The following PCDH7 variants were observed in gnomAD, a reference collection of about 807,000 sequenced individuals.
The protein encoded by PCDH7 is protocadherin-7.
Under a neutral mutation model 58.9 loss-of-function variants are expected in PCDH7, and 17 were observed. The observed-to-expected ratio is 0.29, with a 90% confidence interval of 0.20 to 0.43. The LOEUF (loss-of-function observed/expected upper bound fraction) is 0.43, where lower values mean the gene tolerates loss of function less well. Ranked by LOEUF, PCDH7 falls within the 20% of genes least tolerant of loss-of-function variation. PCDH7 has a pLI of 1.00. For missense variants in PCDH7, 1,274 were observed against 1,441.0 expected (o/e 0.88, Z 1.88); for synonymous variants, 664 against 616.4 (o/e 1.08, Z -1.14).
downstream of PCDH7, among the ~76,000 whole-genome samples, chr4:30,737,630 A>G (rs1716487279): frequency 6.6e-6 from 1 of 152,212 alleles, no homozygotes; most frequent in African/African-American, 2.4e-5. Context: ...CAAAGTTACA[A>G]TAATTTCAGA....
chr4:30,939,920 A>T (rs1339205973), intron 2 of PCDH7, among the ~76,000 whole-genome samples: 1 of 152,014 alleles, frequency 6.6e-6, no homozygotes, highest in Non-Finnish European at 1.5e-5. Flanking sequence ...CCTGCTTTTG[A>T]TGTATTTCTT....
intron 3 of PCDH7, among the ~76,000 whole-genome samples, chr4:30,989,890 T>C (rs1013010109): frequency 6.6e-6 from 1 of 152,090 alleles, no homozygotes; most frequent in East Asian, 1.9e-4. Flanking sequence ...TGTCAAAAGT[T>C]TTGCCTCAAA....
intron 3 of PCDH7, among the ~76,000 whole-genome samples, chr4:31,098,524 G>A (rs905700300): frequency 6.6e-6 from 1 of 152,174 alleles, no homozygotes; most frequent in African/African-American, 2.4e-5. Context: ...AAATGGTGGG[G>A]AGAACAATGT....
downstream of PCDH7, chr4:31,145,829 T>C (rs1720636751): frequency 6.6e-6 from 1 of 152,072 alleles, no homozygotes; most frequent in African/African-American, 2.4e-5. Flanking sequence ...CAAGGTAAAA[T>C]ACTGATTTAG....
At chr4:31,010,134 C>T (rs1276788592) in intron 3 of PCDH7, among the ~76,000 whole-genome samples, 2 of 151,832 alleles carry the variant, frequency 1.3e-5, no homozygotes, top group East Asian at 3.9e-4. Context: ...GTATTGAGAG[C>T]AAAAGCAATC....
intron 3 of PCDH7, among the ~76,000 whole-genome samples, chr4:30,976,242 CCA>C (rs909708471): frequency 6.6e-6 from 1 of 152,024 alleles, no homozygotes; most frequent in African/African-American, 2.4e-5. Context: ...CTAACTCCAC[CCA>C]CCACACCTGG....
At chr4:31,064,984 G>T (rs1757968024) in intron 3 of PCDH7, among the ~76,000 whole-genome samples, 1 of 151,904 alleles carries the variant, frequency 6.6e-6, no homozygotes, top group Non-Finnish European at 1.5e-5. Flanking sequence ...CATGATTAAA[G>T]TTCTCAAGTT....
At chr4:30,777,957 T>A (rs1722286111) in intron 1 of PCDH7, among the ~76,000 whole-genome samples, 1 of 152,172 alleles carries the variant, frequency 6.6e-6, no homozygotes, top group South Asian at 2.1e-4. Context: ...TTTTTATATA[T>A]GGTAGGATTC....
intron 3 of PCDH7, among the ~76,000 whole-genome samples, chr4:31,133,587 G>T (rs767883528): frequency 6.6e-6 from 1 of 152,028 alleles, no homozygotes; most frequent in Admixed American, 6.6e-5. Flanking sequence ...TCCTCTCCAC[G>T]CTGCTCCTTC....
At chr4:30,951,903 T>G (rs1412557716) in intron 3 of PCDH7, among the ~76,000 whole-genome samples, 1 of 152,136 alleles carries the variant, frequency 6.6e-6, no homozygotes, top group Non-Finnish European at 1.5e-5. Context: ...TGATTCCACC[T>G]TATGTTTTAT....
At chr4:31,031,320 C>G (rs1005401371) in intron 3 of PCDH7, among the ~76,000 whole-genome samples, 8 of 152,184 alleles carry the variant, frequency 5.3e-5, no homozygotes, top group African/African-American at 1.9e-4. Flanking sequence ...AAGAATGCCA[C>G]TAGACATCCT....
chr4:30,927,781 T>C (rs1744070120), intron 2 of PCDH7, among the ~76,000 whole-genome samples: 1 of 151,874 alleles, frequency 6.6e-6, no homozygotes, highest in Non-Finnish European at 1.5e-5. Context: ...GTTTATCTGC[T>C]GACCTTCCCT....
At chr4:30,792,970 T>C (rs1282067116) in intron 1 of PCDH7, among the ~76,000 whole-genome samples, 1 of 152,182 alleles carries the variant, frequency 6.6e-6, no homozygotes, top group African/African-American at 2.4e-5. Context: ...TATGCCATTT[T>C]TTCAACCCCA....
intron 1 of PCDH7, among the ~76,000 whole-genome samples, chr4:30,817,387 T>C (rs1460629727): frequency 1.3e-5 from 2 of 152,182 alleles, no homozygotes; most frequent in Non-Finnish European, 2.9e-5. Context: ...GAAATTTGGT[T>C]TTTAGATTTT....
chr4:31,085,160 G>A (rs1049933453), intron 3 of PCDH7, among the ~76,000 whole-genome samples: 1 of 152,022 alleles, frequency 6.6e-6, no homozygotes, highest in Non-Finnish European at 1.5e-5. Flanking sequence ...TGAGCCAGGA[G>A]TGCCGATTGG....
intron 1 of PCDH7, among the ~76,000 whole-genome samples, chr4:30,786,202 A>G (rs1723369181): frequency 6.6e-6 from 1 of 152,052 alleles, no homozygotes; most frequent in South Asian, 2.1e-4. Context: ...ACTTGCCCCA[A>G]TTTCTATAGA....
At chr4:30,896,805 C>G (rs1739448114) in intron 1 of PCDH7, among the ~76,000 whole-genome samples, 1 of 146,428 alleles carries the variant, frequency 6.8e-6, no homozygotes, top group African/African-American at 2.5e-5. Context: ...TTGCACGTAT[C>G]TTTGCACATA....
At chr4:30,904,306 T>A (rs1389378436) in intron 1 of PCDH7, among the ~76,000 whole-genome samples, 1 of 152,204 alleles carries the variant, frequency 6.6e-6, no homozygotes, top group Non-Finnish European at 1.5e-5. Context: ...ATGTTTGTTA[T>A]GGAGGCTCTC....
At chr4:31,137,080 T>C (rs928976926) in intron 3 of PCDH7, among the ~76,000 whole-genome samples, 2 of 152,246 alleles carry the variant, frequency 1.3e-5, no homozygotes, top group African/African-American at 2.4e-5. Flanking sequence ...CACTGATCTT[T>C]TGTTTTTCTT....
Sources: gnomAD v4.1 joint callset for allele counts (sites outside exome capture counted in the v4.1 genomes callset) on GRCh38, gnomAD v4.1.1 for gene constraint, MANE v1.5 for transcripts, NCBI Gene and HGNC (gene_info 2026-07-23, HGNC 2026-07-21) for gene names.